The following DYNC2LI1 variants were observed in gnomAD, a reference collection of about 807,000 sequenced individuals.
DYNC2LI1 encodes dynein cytoplasmic 2 light intermediate chain 1.
Under a neutral mutation model 51.9 loss-of-function variants are expected in DYNC2LI1, and 45 were observed. The ratio of observed to expected loss-of-function variants is 0.87; its 90% CI spans 0.68 to 1.11. The LOEUF (loss-of-function observed/expected upper bound fraction) is 1.11, where lower values mean the gene tolerates loss of function less well. Ranked by LOEUF, DYNC2LI1 falls within the 50% of genes most tolerant of loss-of-function variation. DYNC2LI1 has a pLI of 0.00. For synonymous variants in DYNC2LI1, 130 were observed against 137.8 expected, an observed-to-expected ratio of 0.94 and a Z score of 0.40; for missense variants, 490 against 417.4, an observed-to-expected ratio of 1.17 and a Z score of -1.51.
intron 5 of DYNC2LI1, chr2:43,793,038 T>A (rs1416078971): frequency 1.9e-5 from 6 of 318,688 alleles, no homozygotes; most frequent in Non-Finnish European, 3.4e-5. Context: ...TGCTGGATCA[T>A]CTGGTAATTC....
intron 2 of DYNC2LI1, among the ~76,000 whole-genome samples, chr2:43,777,950 G>A (rs1005785045): frequency 1.3e-5 from 2 of 152,112 alleles, no homozygotes; most frequent in Non-Finnish European, 2.9e-5. Context: ...ATACAAATAC[G>A]TAAATAAAAA....
At chr2:43,809,223 C>T (rs1666390979) in intron 12 of DYNC2LI1, among the ~76,000 whole-genome samples, 1 of 152,090 alleles carries the variant, frequency 6.6e-6, no homozygotes, top group South Asian at 2.1e-4. Context: ...AATTCCTGGG[C>T]TCAAGCAATT....
chr2:43,783,985 G>A lies in DYNC2LI1; in HGVS notation c.161+431G>A, dbSNP rs774997251. 5.3e-5 allele frequency among the ~76,000 whole-genome samples: 8 copies of A among 152,050 alleles called. No homozygotes were observed. The East Asian group carries it at 5.8e-4, about 11-fold the overall frequency. ...TCATTTATTTTATATATTTCCTAAC[G>A]TATACTGTAGAAGCAGGCCATCAGA... On this transcript the variant is annotated intron_variant, in intron 3 of 12. Transcript: ENST00000260605.
chr2:43,813,237 G>T, downstream of DYNC2LI1: 19 of 1,613,882 alleles, frequency 1.2e-5, no homozygotes, highest in Non-Finnish European at 1.6e-5. Context: ...ACCTGGGCAG[G>T]TTTTCTCAAT....
the DYNC2LI1 span, chr2:43,824,931 C>T: frequency 1.9e-5 from 30 of 1,613,878 alleles, no homozygotes; most frequent in African/African-American, 1.5e-4. Context: ...CAAGGGTAAC[C>T]GCAGTCATTG....
rs114127941 is a variant in DYNC2LI1, at chr2:43,789,465, A to C, written c.232-168A>C. ...ATAGTTCATCATTTTTCTTTAGAGTAGGTGCTTTGATGCATTTTGAGGGAT... is the reference window on the plus strand; with the variant it reads ...ATAGTTCATCATTTTTCTTTAGAGTCGGTGCTTTGATGCATTTTGAGGGAT... On this transcript the variant is annotated intron_variant, in intron 4 of 12. Coordinates refer to ENST00000260605, the MANE Select transcript of DYNC2LI1 (RefSeq NM_016008.4). 6.1e-3 allele frequency among the ~76,000 whole-genome samples: 931 copies of C among 152,270 alleles called. 14 individuals are homozygous for C. The highest frequency in any genetic ancestry group is 0.021 in the African/African-American group (881 of 41,554).
chr2:43,811,632 G>C (rs920016405), downstream of DYNC2LI1, among the ~76,000 whole-genome samples: 1 of 149,968 alleles, frequency 6.7e-6, no homozygotes. Context: ...GTCTTGCTCT[G>C]TCGCCAGGCT....
In DYNC2LI1 at chr2:43,794,652, C is replaced by A. The variant is rs1251481602; in HGVS notation, c.507+9C>A. Reference sequence around the variant, plus strand: ...TGCCGAAGGATCATCCTGTGAGTTGCTGTTTGGGATTATTACTGGAATCCT... The same window carrying A: ...TGCCGAAGGATCATCCTGTGAGTTGATGTTTGGGATTATTACTGGAATCCT... On this transcript the variant is annotated intron_variant, in intron 6 of 12. Coordinates refer to ENST00000260605, the MANE Select transcript of DYNC2LI1 (RefSeq NM_016008.4). 6.2e-7 allele frequency: 1 copy of A among 1,613,986 alleles called. No individual in the cohort carries two copies. Among genetic ancestry groups the A allele is most frequent in the Non-Finnish European group, 8.5e-7 (1 of 1,179,940 alleles).
the DYNC2LI1 span, chr2:43,825,156 A>T: frequency 9.6e-7 from 1 of 1,039,150 alleles, no homozygotes; most frequent in South Asian, 1.4e-5. Context: ...TGCATTTCCC[A>T]TAAGCAGTCA....
the DYNC2LI1 span, chr2:43,822,477 G>GCT: frequency 8.6e-6 from 3 of 349,192 alleles, 1 homozygote; most frequent in Non-Finnish European, 1.1e-5. Context: ...CCCTCCCCCA[G>GCT]GCCCCCCCCC....
At chr2:43,812,320 T>G (rs1488423108), downstream of DYNC2LI1, among the ~76,000 whole-genome samples, 1 of 56,252 alleles carries the variant, frequency 1.8e-5, no homozygotes, top group East Asian at 2.6e-4. Flanking sequence ...CTTGTAATTC[T>G]TTTTTTTTTT....
chr2:43,785,435 A>G (rs545246486), intron 3 of DYNC2LI1, among the ~76,000 whole-genome samples: 1 of 151,914 alleles, frequency 6.6e-6, no homozygotes, highest in Admixed American at 6.6e-5. Flanking sequence ...CCAGAAACAA[A>G]AAAAACACAA....
downstream of DYNC2LI1, among the ~76,000 whole-genome samples, chr2:43,811,871 G>T (rs574130711): frequency 2.6e-5 from 4 of 152,168 alleles, no homozygotes; most frequent in African/African-American, 9.7e-5. Context: ...TGGGATTACA[G>T]GCATGAGCCA....
rs191627996 is a variant in DYNC2LI1, at chr2:43,798,778, A to G, written c.654+1983A>G. ...TGGAGTACTTCTGGACCACCAAAGG[A>G]ACCATAAGGCCTTTCAGGAAGAATG... is the stretch of plus-strand genomic sequence containing the variant. On this transcript the variant is annotated intron_variant, in intron 8 of 12. Coordinates refer to ENST00000260605, the MANE Select transcript of DYNC2LI1 (RefSeq NM_016008.4). Among the ~76,000 whole-genome samples, 150 of 152,324 alleles carry G rather than the reference A, an allele frequency of 9.8e-4. 2 individuals carry two copies. The highest frequency in any genetic ancestry group is 1.8e-3 in the Admixed American group (28 of 15,298).
chr2:43,801,567 C>G, intron 9 of DYNC2LI1, 72 bp from the exon 10 acceptor site: 1 of 1,104,424 alleles, frequency 9.1e-7, no homozygotes, highest in Non-Finnish European at 1.4e-6. Context: ...ATATTGCTGT[C>G]ATATTTACAG....
At chr2:43,822,797 C>T in the DYNC2LI1 span, 2 of 1,614,044 alleles carry the variant, frequency 1.2e-6, no homozygotes, top group South Asian at 1.1e-5. Context: ...AACCCCTCAC[C>T]AGTAGCACAC....
intron 10 of DYNC2LI1, 85 bp downstream of exon 10, chr2:43,801,794 T>C (rs1666086904): frequency 2.1e-6 from 2 of 959,048 alleles, no homozygotes; most frequent in East Asian, 5.1e-5. Flanking sequence ...GTCTCCAACA[T>C]ACTCCTATTT....
chr2:43,827,055 T>A, the DYNC2LI1 span, among the ~76,000 whole-genome samples: 1 of 152,212 alleles, frequency 6.6e-6, no homozygotes, highest in African/African-American at 2.4e-5. Flanking sequence ...CCGGGCGCGG[T>A]GGCTCACGCC....
the DYNC2LI1 span, among the ~76,000 whole-genome samples, chr2:43,821,674 C>G: frequency 1.3e-5 from 2 of 152,172 alleles, no homozygotes; most frequent in Non-Finnish European, 2.9e-5. Flanking sequence ...TTTGCCTCAG[C>G]TGGCCCCTGG....
Sources: allele counts gnomAD v4.1 joint callset (sites outside exome capture counted in the v4.1 genomes callset), GRCh38; gene constraint gnomAD v4.1.1; transcripts MANE v1.5; gene names NCBI Gene and HGNC (gene_info 2026-07-23, HGNC 2026-07-21).